The following ERAP1 variants were observed in gnomAD, a reference collection of about 807,000 sequenced individuals.
ERAP1 encodes endoplasmic reticulum aminopeptidase 1.
A neutral mutation model predicts 103.7 loss-of-function variants in ERAP1; 86 were observed. The ratio of observed to expected loss-of-function variants is 0.83; its 90% CI spans 0.70 to 0.99. ERAP1 has a LOEUF of 0.99. Among genes scored for constraint, ERAP1 ranks in the 50% least tolerant of loss-of-function variants. The probability of loss-of-function intolerance (pLI) is 0.00; values close to 1 mark genes in which losing one functional copy is unlikely to be tolerated. For synonymous variants in ERAP1, 398 were observed against 402.4 expected (o/e 0.99, Z 0.13); for missense variants, 1,009 against 1,128.4 (o/e 0.89, Z 1.52).
At chr5:96,918,894 T>C in the ERAP1 span, 12 of 152,216 alleles carry the variant, frequency 7.9e-5, no homozygotes, top group African/African-American at 2.4e-4. Context: ...CCCCACCTCC[T>C]TCTTTTAAGG....
chr5:96,855,409 G>A, the ERAP1 span, among the ~76,000 whole-genome samples: 1 of 152,142 alleles, frequency 6.6e-6, no homozygotes, highest in Non-Finnish European at 1.5e-5. Context: ...TACTTTCACA[G>A]GATACATTGT....
chr5:96,853,464 A>G, the ERAP1 span, among the ~76,000 whole-genome samples: 11 of 152,344 alleles, frequency 7.2e-5, no homozygotes, highest in South Asian at 1.5e-3. Flanking sequence ...CCAAAAGTCA[A>G]TATCAATGCC....
the ERAP1 span, among the ~76,000 whole-genome samples, chr5:96,874,878 A>C: frequency 6.6e-6 from 1 of 152,246 alleles, no homozygotes; most frequent in Non-Finnish European, 1.5e-5. Flanking sequence ...GATAAGAGCT[A>C]AGCTTGTTAT....
exon 20 of ERAP1, chr5:96,762,230 T>C (rs1461836188): frequency 1.5e-6 from 2 of 1,325,090 alleles, no homozygotes; most frequent in Admixed American, 2.0e-5. Flanking sequence ...GTGCTCATAA[T>C]TTTATATACA....
At chr5:96,794,173 T>C (rs1777069122) in intron 5 of ERAP1, among the ~76,000 whole-genome samples, 5 of 68,008 alleles carry the variant, frequency 7.4e-5, no homozygotes, top group Admixed American at 2.8e-4. Context: ...TCTCAGGCCT[T>C]TTTTTTTTTT....
chr5:96,800,786 A>G, intron 3 of ERAP1, 76 bp downstream of exon 3: 14 of 1,501,164 alleles, frequency 9.3e-6, no homozygotes, highest in Non-Finnish European at 1.3e-5. Context: ...CCCAATGTTG[A>G]CTGTCACTGG....
rs1227519253 is a variant in ERAP1, at chr5:96,785,689, C to G, written c.1943+99G>C. On this transcript the variant is annotated intron_variant, in intron 13 of 18. Coordinates refer to ENST00000443439, the MANE Select transcript of ERAP1 (RefSeq NM_001040458.3). ...CTTAAAGGAAAACACCTTTCAACTT[C>G]TTGTTATCAATCAATCATTTTTGTC... 14 of 1,344,106 alleles carry G rather than the reference C, an allele frequency of 1.0e-5. No individual in the cohort carries two copies. In the East Asian group the frequency reaches 3.4e-4, roughly 33 times the overall value. The allele number at this position is 1,344,106 out of a possible 1,614,324, so 83.3% of individuals were successfully genotyped here. A position where few individuals can be genotyped will look rare whatever the true frequency, so the allele number is the denominator to read the frequency against.
At chr5:96,916,226 A>G in the ERAP1 span, among the ~76,000 whole-genome samples, 4 of 120,854 alleles carry the variant, frequency 3.3e-5, no homozygotes, top group African/African-American at 1.2e-4. Context: ...ATCTCAAAAA[A>G]ACAAAAAACA....
rs1775939602 is a variant in ERAP1, at chr5:96,785,982, T to C, written c.1760-11A>G. 3 of 1,613,300 alleles carry C rather than the reference T, an allele frequency of 1.9e-6. No individual in the cohort carries two copies. In the African/African-American group the frequency reaches 4.0e-5, roughly 22 times the overall value. On this transcript the variant is annotated splice_polypyrimidine_tract_variant and intron_variant, in intron 12 of 18. Coordinates refer to ENST00000443439, the MANE Select transcript of ERAP1 (RefSeq NM_001040458.3). The stretch of plus-strand genomic sequence containing the variant: ...GGAGGATGAGCACATCTAGAGTAAA[T>C]AAAATAAATCAAAGTTCCATTTGCT...
the ERAP1 span, among the ~76,000 whole-genome samples, chr5:96,856,470 C>T: frequency 2.0e-5 from 3 of 148,266 alleles, no homozygotes; most frequent in Non-Finnish European, 4.4e-5. Flanking sequence ...TAGTACAATG[C>T]TGTTTGAGCT....
Position 96,803,825 on chromosome 5 carries a change from G to A in ERAP1, c.102C>T (p.Ser34=), listed in dbSNP as rs769709894. The change falls in exon 2 of 19, where the codon AGC becomes AGT. Residue 34 remains serine (S), a synonymous_variant. Transcript: ENST00000443439. ...LTVSTPSWCQ[S]TEASPKRSDG... ...CACTACGTTTTGGAGATGCTTCAGT[G>A]CTCTGACACCATGAAGGAGTGGACA... 6.2e-7 allele frequency: 1 copy of A among 1,614,162 alleles called. No homozygotes were observed. Among genetic ancestry groups the A allele is most frequent in the Non-Finnish European group, 8.5e-7 (1 of 1,180,046 alleles).
the ERAP1 span, among the ~76,000 whole-genome samples, chr5:96,842,001 C>T: frequency 1.7e-3 from 260 of 152,242 alleles, 2 homozygotes; most frequent in Non-Finnish European, 2.2e-3. Flanking sequence ...TGTGTCCTCA[C>T]AGCTTAGCTC....
the ERAP1 span, among the ~76,000 whole-genome samples, chr5:96,853,068 G>T: frequency 2.6e-5 from 4 of 152,066 alleles, no homozygotes; most frequent in Non-Finnish European, 5.9e-5. Context: ...TTCACTCCAG[G>T]GGCAGGCTTG....
In ERAP1 at chr5:96,768,041, T is replaced by C. The variant is rs757879247; in HGVS notation, c.2819-4813A>G. On this transcript the variant is annotated intron_variant, in intron 19 of 19. Coordinates refer to the ERAP1 transcript ENST00000296754. ...CATTTCACTCTTTGAAATGTGTGTG[T>C]GTGTATGTGTACATACATATAAGTT... 4 of 1,224,910 alleles carry C rather than the reference T, an allele frequency of 3.3e-6. No individual in the cohort carries two copies. In the South Asian group the frequency reaches 3.6e-5, roughly 11 times the overall value. 75.9% of individuals were successfully genotyped at this position (1,224,910 alleles called of 1,614,324 possible).
chr5:96,901,194 G>T, the ERAP1 span, among the ~76,000 whole-genome samples: 11,401 of 146,352 alleles, frequency 0.078, 503 homozygotes, highest in South Asian at 0.15. Flanking sequence ...GTTTGATTTT[G>T]TTTGTTTGCT....
chr5:96,873,748 AG>A, the ERAP1 span: 15 of 320,562 alleles, frequency 4.7e-5, no homozygotes, highest in South Asian at 7.7e-5. Context: ...ACATTTGTTG[AG>A]GGTCTCTTAT....
intron 18 of ERAP1, among the ~76,000 whole-genome samples, chr5:96,778,497 G>C (rs1561662140): frequency 6.6e-6 from 1 of 152,184 alleles, no homozygotes; most frequent in African/African-American, 2.4e-5. Flanking sequence ...CCCAGGAGCA[G>C]AAGGAGGCTG....
chr5:96,900,006 T>C, the ERAP1 span: 1 of 1,237,738 alleles, frequency 8.1e-7, no homozygotes. Flanking sequence ...TTATCATGTC[T>C]GGATGAATTA....
chr5:96,808,001 G>A (rs562521408), upstream of ERAP1: 14 of 985,604 alleles, frequency 1.4e-5, no homozygotes, highest in East Asian at 1.1e-3. Flanking sequence ...GAGCCCTAGC[G>A]GCAGGCGGGG....
Sources: allele counts gnomAD v4.1 joint callset (sites outside exome capture counted in the v4.1 genomes callset), GRCh38; gene constraint gnomAD v4.1.1; transcripts MANE v1.5; gene names NCBI Gene and HGNC (gene_info 2026-07-23, HGNC 2026-07-21).